SCUBE1: variants seen among roughly 807,000 people sequenced by gnomAD.
The protein encoded by SCUBE1 is signal peptide, CUB and EGF-like domain-containing protein 1.
A neutral mutation model predicts 124.4 loss-of-function variants in SCUBE1; 59 were observed. The ratio of observed to expected loss-of-function variants is 0.47; its 90% CI spans 0.38 to 0.59. The LOEUF (loss-of-function observed/expected upper bound fraction) is 0.59. Among genes scored for constraint, SCUBE1 ranks in the 20% least tolerant of loss-of-function variants. The pLI is 0.00. For synonymous variants in SCUBE1, 545 were observed against 550.9 expected (o/e 0.99, Z 0.15); for missense variants, 1,150 against 1,371.2 (o/e 0.84, Z 2.55).
intron 15 of SCUBE1, among the ~76,000 whole-genome samples, chr22:43,216,860 C>G (rs1233496871): frequency 7.8e-6 from 1 of 127,590 alleles, no homozygotes; most frequent in Non-Finnish European, 1.7e-5. Context: ...ACAACTTCCC[C>G]CCACCCACCC....
chr22:43,239,035 T>C, intron 6 of SCUBE1, 81 bp from the exon 7 acceptor site: 2 of 1,148,262 alleles, frequency 1.7e-6, no homozygotes, highest in Non-Finnish European at 2.6e-6. Context: ...AGATCTTCTA[T>C]GAGACAGGAG....
At chr22:43,218,030 C>T (rs1569497951) in intron 15 of SCUBE1, among the ~76,000 whole-genome samples, 1 of 151,894 alleles carries the variant, frequency 6.6e-6, no homozygotes, top group Non-Finnish European at 1.5e-5. Context: ...CACTCCTTGT[C>T]CCTCCTCAGA....
intron 3 of SCUBE1, 123 bp from the exon 4 acceptor site, chr22:43,291,303 A>G: frequency 9.6e-7 from 1 of 1,045,788 alleles, no homozygotes; most frequent in Non-Finnish European, 1.4e-6. Context: ...GGGACTCCAG[A>G]GAGGGCCTCC....
intron 15 of SCUBE1, among the ~76,000 whole-genome samples, chr22:43,216,078 G>A (rs970319683): frequency 1.3e-4 from 19 of 151,900 alleles, no homozygotes; most frequent in African/African-American, 4.1e-4. Flanking sequence ...ATGGAGTCTC[G>A]CTCTGTCACC....
At chr22:43,293,425 G>A (rs574962930) in intron 3 of SCUBE1, among the ~76,000 whole-genome samples, 26 of 152,342 alleles carry the variant, frequency 1.7e-4, no homozygotes, top group African/African-American at 6.0e-4. Flanking sequence ...TGCAGAACAC[G>A]CGCCTTTGGC....
chr22:43,317,096 T>A (rs1926374707), intron 3 of SCUBE1: 1 of 152,182 alleles, frequency 6.6e-6, no homozygotes, highest in Non-Finnish European at 1.5e-5. Context: ...GTGGTTCCAC[T>A]TTTGTGAAGC....
intron 2 of SCUBE1, among the ~76,000 whole-genome samples, chr22:43,331,912 G>C (rs766495971): frequency 1.2e-4 from 18 of 152,144 alleles, no homozygotes; most frequent in Non-Finnish European, 2.5e-4. Context: ...GAGGAAACGG[G>C]GTGTGCAAAG....
intron 1 of SCUBE1, among the ~76,000 whole-genome samples, chr22:43,342,175 C>G (rs991438619): frequency 1.4e-5 from 2 of 146,136 alleles, no homozygotes; most frequent in African/African-American, 5.1e-5. Context: ...CCGGAGGAAG[C>G]GCCTCTGATG....
chr22:43,339,271 G>T (rs760308690), intron 1 of SCUBE1, 36 bp from the exon 2 acceptor site: 2 of 1,605,080 alleles, frequency 1.2e-6, no homozygotes, highest in East Asian at 2.2e-5. Flanking sequence ...AAGAGGTAAG[G>T]TGTGGCCCCA....
intron 3 of SCUBE1, among the ~76,000 whole-genome samples, chr22:43,312,208 G>A (rs529209555): frequency 6.6e-6 from 1 of 152,350 alleles, no homozygotes; most frequent in Non-Finnish European, 1.5e-5. Context: ...CACTGCACTA[G>A]GTTCCAAGAA....
intron 12 of SCUBE1, among the ~76,000 whole-genome samples, chr22:43,222,051 G>A (rs1465566398): frequency 3.9e-5 from 6 of 152,104 alleles, no homozygotes; most frequent in East Asian, 3.8e-4. Context: ...GTGACAGAGC[G>A]AGACTCCGTT....
intron 6 of SCUBE1, among the ~76,000 whole-genome samples, chr22:43,254,398 G>A (rs5759232): frequency 0.037 from 5,701 of 152,296 alleles, 133 homozygotes; most frequent in East Asian, 0.066. Context: ...CCTCCCTCCT[G>A]CTTCCTCTCT....
intron 2 of SCUBE1, 87 bp downstream of exon 2, chr22:43,339,016 CA>C: frequency 6.7e-7 from 1 of 1,488,672 alleles, no homozygotes; most frequent in East Asian, 2.3e-5. Flanking sequence ...GGCTCAGCCC[CA>C]GCTGGTGATG....
intron 6 of SCUBE1, among the ~76,000 whole-genome samples, chr22:43,252,460 C>G (rs905086760): frequency 6.6e-6 from 1 of 152,222 alleles, no homozygotes; most frequent in African/African-American, 2.4e-5. Context: ...AGGAGCTGGC[C>G]AGTGCTGCAG....
chr22:43,244,216 C>T (rs934000153), intron 6 of SCUBE1, among the ~76,000 whole-genome samples: 4 of 152,168 alleles, frequency 2.6e-5, no homozygotes, highest in Non-Finnish European at 4.4e-5. Flanking sequence ...CCACAGGGCA[C>T]CCCCCTTGGC....
chr22:43,291,012 G>A lies in SCUBE1; in HGVS notation c.484+34C>T, dbSNP rs773799288. The stretch of plus-strand genomic sequence containing the variant: ...ACTCTGGGGGCTGCCCATCCTGGGG[G>A]GGGACATGCCTGGTCAGCATAGGCT... On this transcript the variant is annotated intron_variant, in intron 4 of 21. Transcript: ENST00000360835. 7.8e-6 allele frequency: 12 copies of A among 1,543,246 alleles called. No individual in the cohort carries two copies. The East Asian group carries it at 2.1e-4, about 27-fold the overall frequency.
intron 2 of SCUBE1, among the ~76,000 whole-genome samples, chr22:43,335,302 GTATA>G: frequency 6.6e-6 from 1 of 152,290 alleles, no homozygotes; most frequent in South Asian, 2.1e-4. Flanking sequence ...GGGGTATGAG[GTATA>G]TATGTGAGCA....
intron 3 of SCUBE1, among the ~76,000 whole-genome samples, chr22:43,303,214 G>A (rs1925840597): frequency 1.3e-5 from 2 of 152,252 alleles, no homozygotes; most frequent in African/African-American, 4.8e-5. Flanking sequence ...CTGTGCGGCT[G>A]TTCCTTCTCT....
At chr22:43,303,907 G>A (rs929986852) in intron 3 of SCUBE1, among the ~76,000 whole-genome samples, 1 of 152,172 alleles carries the variant, frequency 6.6e-6, no homozygotes, top group African/African-American at 2.4e-5. Flanking sequence ...CAGCCACGGC[G>A]AGCTGAGCTA....
Sources: allele counts gnomAD v4.1 joint callset (sites outside exome capture counted in the v4.1 genomes callset), GRCh38; gene constraint gnomAD v4.1.1; transcripts MANE v1.5; gene names NCBI Gene and HGNC (gene_info 2026-07-23, HGNC 2026-07-21).